The following TMEM43 variants were observed in gnomAD, a reference collection of about 807,000 sequenced individuals.
TMEM43 encodes the protein arrhythmogenic right ventricular dysplasia 5.
A neutral mutation model predicts 49.6 loss-of-function variants in TMEM43; 45 were observed. That is an observed-to-expected ratio of 0.91 (90% CI 0.71 to 1.16). The LOEUF (loss-of-function observed/expected upper bound fraction) is 1.16, where lower values mean the gene tolerates loss of function less well. TMEM43 is among the 50% of genes most tolerant of loss of function. The pLI is 0.00. For missense variants in TMEM43, 532 were observed against 516.6 expected (o/e 1.03, Z -0.29); for synonymous variants, 199 against 207.8 (o/e 0.96, Z 0.36).
At chr3:14,126,513 C>G (rs1695023943) in intron 1 of TMEM43, among the ~76,000 whole-genome samples, 1 of 152,222 alleles carries the variant, frequency 6.6e-6, no homozygotes, top group African/African-American at 2.4e-5. Flanking sequence ...AATCCAGATT[C>G]TTCCACCCAG....
chr3:14,138,393 C>T (rs529780665), intron 10 of TMEM43, among the ~76,000 whole-genome samples: 3 of 152,160 alleles, frequency 2.0e-5, no homozygotes, highest in South Asian at 2.1e-4. Flanking sequence ...GAGGCTCCTG[C>T]GGGCAGACAG....
chr3:14,140,180 CCTTT>C (rs1399246531), intron 11 of TMEM43, among the ~76,000 whole-genome samples: 39 of 152,190 alleles, frequency 2.6e-4, no homozygotes, highest in African/African-American at 8.0e-4. Flanking sequence ...TCTCCCTGAG[CCTTT>C]CTTTGGACAG....
chr3:14,135,283 CT>C (rs1695153853), intron 9 of TMEM43, 51 bp downstream of exon 9: 1 of 1,485,104 alleles, frequency 6.7e-7, no homozygotes, highest in African/African-American at 1.4e-5. Context: ...CACGACTTTC[CT>C]GGACACAGAC....
intron 2 of TMEM43, among the ~76,000 whole-genome samples, chr3:14,130,559 G>A (rs1479746915): frequency 6.6e-6 from 1 of 152,172 alleles, no homozygotes; most frequent in Non-Finnish European, 1.5e-5. Context: ...AACATCAGCT[G>A]TTCCCACCAC....
chr3:14,126,224 C>CA (rs1441506630), intron 1 of TMEM43, among the ~76,000 whole-genome samples: 1 of 152,210 alleles, frequency 6.6e-6, no homozygotes, highest in Non-Finnish European at 1.5e-5. Context: ...TTCGGGCCCA[C>CA]AGGAGGGTTA....
chr3:14,132,448 T>A (rs1012086448), intron 4 of TMEM43, 98 bp from the exon 5 acceptor site: 9 of 1,289,758 alleles, frequency 7.0e-6, no homozygotes, highest in Non-Finnish European at 2.3e-6. Context: ...GGGAGTCTGA[T>A]CTGGTAGCCC....
In TMEM43 at chr3:14,131,570, C is replaced by G; in HGVS notation, c.298-10C>G. ...CTTTATTTTTTTGGTTTCTTTGATT[C>G]TGTTTGAAGCTTTTGTCTGATCCAA... is the stretch of plus-strand genomic sequence containing the variant. On this transcript the variant is annotated splice_polypyrimidine_tract_variant and intron_variant, in intron 3 of 11. Transcript: ENST00000306077. The G allele has an allele frequency of 1.2e-6, 2 of 1,613,246 alleles. No homozygotes were observed. The highest frequency in any genetic ancestry group is 1.7e-6 in the Non-Finnish European group (2 of 1,179,214).
At chr3:14,140,545 G>C (rs539380047) in intron 11 of TMEM43, among the ~76,000 whole-genome samples, 1 of 152,180 alleles carries the variant, frequency 6.6e-6, no homozygotes, top group South Asian at 2.1e-4. Flanking sequence ...ACAAGACTTA[G>C]AGCAACAGCT....
rs1695084965 is a variant in TMEM43 at position 14,130,870 on chromosome 3, G to A, written c.211G>A (p.Val71Met). 2 of 1,613,888 alleles carry A rather than the reference G, an allele frequency of 1.2e-6. No individual in the cohort carries two copies. The highest frequency in any genetic ancestry group is 1.7e-6 in the Non-Finnish European group (2 of 1,179,886). Residue 71 changes from valine to methionine, a missense_variant, in exon 3 of 12, where the codon GTG (valine) becomes ATG (methionine). By Grantham distance (21) the Val-to-Met change is conservative. Coordinates refer to ENST00000306077, the MANE Select transcript of TMEM43 (RefSeq NM_024334.3). ...ATSLAEGLSL[V>M]VSPDSIHSVA... is the part of the protein sequence containing the mutation. ...CTCATTGGCTGAGGGGCTCTCGCTT[G>A]TGGTGTCTCCCGACAGCATCCACAG...
chr3:14,125,341 G>A (rs796803647), intron 1 of TMEM43, 136 bp downstream of exon 1: 2 of 1,092,016 alleles, frequency 1.8e-6, no homozygotes, highest in African/African-American at 1.6e-5. Context: ...TCTGCTCGCC[G>A]TGTCTGTGCC....
At position 14,131,652 on chromosome 3, in the gene TMEM43, T is replaced by C. The variant is rs1695097671; in HGVS notation, c.370T>C (p.Trp124Arg). The change falls in exon 4 of 12, where the codon TGG becomes CGG. Residue 124 changes from tryptophan to arginine, a missense_variant. Coordinates refer to ENST00000306077, the MANE Select transcript of TMEM43 (RefSeq NM_024334.3). ...GCGGAGGCACGTGGAGATGTACCAA[T>C]GGGTAGAAACTGAGGAGTCCAGGTG... is the stretch of plus-strand genomic sequence containing the variant. ...KLRRHVEMYQWVETEESREYT... is the reference protein window; with the variant it reads ...KLRRHVEMYQRVETEESREYT... The C allele has an allele frequency of 1.2e-6, 2 of 1,613,990 alleles. No homozygotes were observed. The highest frequency in any genetic ancestry group is 1.7e-6 in the Non-Finnish European group (2 of 1,179,972).
Position 14,132,949 on chromosome 3 carries a change from C to A in TMEM43, c.512+14C>A. On this transcript the variant is annotated intron_variant, in intron 6 of 11. Coordinates refer to ENST00000306077, the MANE Select transcript of TMEM43 (RefSeq NM_024334.3). ...CAAAAACCCCAGGTGAGAGCCAGGC[C>A]CAAGGCCTGAGTGCAGCTTTGTCTA... 1 of 1,610,416 alleles carries A rather than the reference C, an allele frequency of 6.2e-7. No homozygotes were observed. The highest frequency in any genetic ancestry group is 1.1e-5 in the South Asian group (1 of 90,894).
Position 14,133,804 on chromosome 3 carries a change from C to G in TMEM43, c.578C>G (p.Ser193Trp), listed in dbSNP as rs140380494. ...GTCCAAATTGGCAGGTTTTTCCTCT[C>G]GTCAGGTAAGTCTCAGGCCTCTCCA... ...PFVQIGRFFLSSGLIDKVDNF... is the reference protein window; with the variant it reads ...PFVQIGRFFLWSGLIDKVDNF... The change falls in exon 7 of 12, where the codon TCG becomes TGG. Residue 193 changes from serine to tryptophan, a missense_variant. Coordinates refer to ENST00000306077, the MANE Select transcript of TMEM43 (RefSeq NM_024334.3). 3.7e-6 allele frequency: 6 copies of G among 1,614,022 alleles called. No homozygotes were observed. The South Asian group carries it at 6.6e-5, about 18-fold the overall frequency.
rs545864327 is a variant in TMEM43 at position 14,134,735 on chromosome 3, G to T, written c.584-35G>T. On this transcript the variant is annotated intron_variant, in intron 7 of 11. Coordinates refer to ENST00000306077, the MANE Select transcript of TMEM43 (RefSeq NM_024334.3). ...CTTTGCAGATTGAGGTTTTCACCTG[G>T]TCCCCTGGGTTTCTAACCACTCTGG... 6.2e-6 allele frequency: 10 copies of T among 1,613,792 alleles called. No individual in the cohort carries two copies. The African/African-American group carries it at 1.3e-4, about 22-fold the overall frequency.
intron 9 of TMEM43, among the ~76,000 whole-genome samples, chr3:14,135,584 C>T (rs1056967830): frequency 1.3e-5 from 2 of 152,224 alleles, no homozygotes; most frequent in African/African-American, 4.8e-5. Context: ...CCCTGCTCTG[C>T]GCACTGCCCA....
chr3:14,135,777 C>G (rs1238815437), intron 9 of TMEM43, 30 bp from the exon 10 acceptor site: 2 of 1,597,562 alleles, frequency 1.3e-6, no homozygotes, highest in African/African-American at 1.3e-5. Context: ...CTGGTCACCC[C>G]TCAGCTCTAA....
rs114026215 is a variant in TMEM43, at chr3:14,132,954, G to T, written c.512+19G>T. 32,180 of 1,605,130 alleles carry T rather than the reference G, an allele frequency of 0.02. 408 individuals carry two copies. Among genetic ancestry groups the T allele is most frequent in the Non-Finnish European group, 0.025 (28,992 of 1,172,096 alleles). ...ACCCCAGGTGAGAGCCAGGCCCAAG[G>T]CCTGAGTGCAGCTTTGTCTACACTG... On this transcript the variant is annotated intron_variant, in intron 6 of 11. Transcript: ENST00000306077.
In TMEM43 at chr3:14,130,809, C is replaced by T. The variant is rs2124986809; in HGVS notation, c.163-13C>T. On this transcript the variant is annotated splice_polypyrimidine_tract_variant and intron_variant, in intron 2 of 11. Coordinates refer to ENST00000306077, the MANE Select transcript of TMEM43 (RefSeq NM_024334.3). ...CCTGAGCTGTTGAAATCCCCACTCC[C>T]CTTTGCTCCCAGGGCCGCGCATTGA... 6.2e-7 allele frequency: 1 copy of T among 1,613,622 alleles called. No homozygotes were observed. The highest frequency in any genetic ancestry group is 8.5e-7 in the Non-Finnish European group (1 of 1,179,794).
At chr3:14,134,991 CTTGGCCAAGTGCAG>C in intron 8 of TMEM43, 100 bp downstream of exon 8, 1 of 1,579,838 alleles carries the variant, frequency 6.3e-7, no homozygotes, top group African/African-American at 1.3e-5. Context: ...CACAGCTGCA[CTTGGCCAAGTGCAG>C]CTGAGTGGGA....
Sources: gnomAD v4.1 joint callset for allele counts (sites outside exome capture counted in the v4.1 genomes callset) on GRCh38, gnomAD v4.1.1 for gene constraint, MANE v1.5 for transcripts, NCBI Gene and HGNC (gene_info 2026-07-23, HGNC 2026-07-21) for gene names.